MIGA2: variants seen among roughly 807,000 people sequenced by gnomAD.
MIGA2 encodes family with sequence similarity 73, member B.
A neutral mutation model predicts 69.9 loss-of-function variants in MIGA2; 36 were observed. The observed-to-expected ratio is 0.52, with a 90% CI of 0.39 to 0.68. The LOEUF (loss-of-function observed/expected upper bound fraction) is 0.68, where lower values mean the gene tolerates loss of function less well. Ranked by LOEUF, MIGA2 falls within the 30% of genes least tolerant of loss-of-function variation. The probability of loss-of-function intolerance (pLI) is 0.00; values close to 1 mark genes in which losing one functional copy is unlikely to be tolerated. For synonymous variants in MIGA2, 333 were observed against 349.2 expected (o/e 0.95, Z 0.52); for missense variants, 660 against 787.7 (o/e 0.84, Z 1.94).
intron 11 of MIGA2, among the ~76,000 whole-genome samples, chr9:129,066,919 C>A (rs1030798412): frequency 7.5e-6 from 1 of 133,276 alleles, no homozygotes; most frequent in Non-Finnish European, 1.6e-5. Flanking sequence ...TGAGATTGTG[C>A]CACTGCATTC....
chr9:129,037,592 C>T (rs954809142), intron 1 of MIGA2, among the ~76,000 whole-genome samples: 1 of 152,102 alleles, frequency 6.6e-6, no homozygotes, highest in African/African-American at 2.4e-5. Flanking sequence ...TGGAGTGAAG[C>T]AGGCTTGGGG....
rs137892200 is a variant in MIGA2 at position 129,068,089 on chromosome 9, C to G, written c.1270-109C>G. Reference sequence around the variant, plus strand: ...CAGAGCGGGAAAGACGTGTCCCCCCCACGTGTGCTCATGCCCTGGACCCCA... The same window carrying G: ...CAGAGCGGGAAAGACGTGTCCCCCCGACGTGTGCTCATGCCCTGGACCCCA... On this transcript the variant is annotated intron_variant, in intron 12 of 15. Transcript: ENST00000684074. This position sits in a 1 kb window ranked among gnomAD's most constrained non-coding sequence, Gnocchi z 4.1. 128 of 1,474,440 alleles carry G rather than the reference C, an allele frequency of 8.7e-5. No homozygotes were observed. Among genetic ancestry groups the G allele is most frequent in the African/African-American group, 9.7e-5 (7 of 72,222 alleles). The allele number at this position is 1,474,440 out of a possible 1,614,324, so 91.3% of individuals were successfully genotyped here.
In MIGA2 at chr9:129,068,358, C is replaced by T. The variant is rs749116101; in HGVS notation, c.1404+26C>T. ...GTGGGTCACTGCCCTGCTCTCAGAC[C>T]CACACTTGCTCACATCAGCCCGTGT... On this transcript the variant is annotated intron_variant, in intron 13 of 15. Coordinates refer to ENST00000684074, the MANE Select transcript of MIGA2 (RefSeq NM_001329990.2). This position sits in a 1 kb window ranked among gnomAD's most constrained non-coding sequence, Gnocchi z 4.1. 6.9e-6 allele frequency: 11 copies of T among 1,598,634 alleles called. No homozygotes were observed. The highest frequency in any genetic ancestry group is 9.3e-6 in the Non-Finnish European group (11 of 1,178,518).
intron 3 of MIGA2, chr9:129,047,106 G>A (rs1323958088): frequency 6.6e-6 from 1 of 151,932 alleles, no homozygotes; most frequent in Non-Finnish European, 1.5e-5. Context: ...TTGAGACAGA[G>A]TCTCACCCTG....
chr9:129,069,117 G>A lies in MIGA2; in HGVS notation c.1446G>A (p.Arg482=), dbSNP rs777371205. ...TACWSVLKAK[R]RLLMVPDGFI... Reference sequence around the variant, plus strand: ...GCTGGTCGGTCCTGAAAGCCAAGAGGAGGCTGCTGATGGTGAGTGACTGGC... The same window carrying A: ...GCTGGTCGGTCCTGAAAGCCAAGAGAAGGCTGCTGATGGTGAGTGACTGGC... Residue 482 remains arginine (R), a synonymous_variant, in exon 14 of 16, where the codon AGG becomes AGA. Transcript: ENST00000684074. This position sits in a 1 kb window ranked among gnomAD's most constrained non-coding sequence, Gnocchi z 4.9. 1.2e-6 allele frequency: 2 copies of A among 1,614,022 alleles called. No individual in the cohort carries two copies. Among genetic ancestry groups the A allele is most frequent in the Non-Finnish European group, 1.7e-6 (2 of 1,179,974 alleles).
rs188917749 is a variant in MIGA2 at position 129,066,689 on chromosome 9, G to A, written c.1171-1084G>A. Among the ~76,000 whole-genome samples the A allele has an allele frequency of 5.1e-3, 752 of 146,832 alleles. 17 individuals carry two copies. The highest frequency in any genetic ancestry group is 0.018 in the African/African-American group (706 of 38,470). ...AAAAAAAAAAGAAAGGCTGGGCGTA[G>A]TGGCTCATGCCTGTAATCCCAGCAC... On this transcript the variant is annotated intron_variant, in intron 11 of 15. Coordinates refer to ENST00000684074, the MANE Select transcript of MIGA2 (RefSeq NM_001329990.2).
chr9:129,064,506 CT>C lies in MIGA2; in HGVS notation c.1170+890del, dbSNP rs71383628. ...ACAGGCATGAGCCACCGTGCCTGGC[CT>C]TTTTTTTTTTTTTTCTTTAATGGGT... On this transcript the variant is annotated intron_variant, in intron 11 of 15. Coordinates refer to ENST00000684074, the MANE Select transcript of MIGA2 (RefSeq NM_001329990.2). Among the ~76,000 whole-genome samples the C allele has an allele frequency of 3.4e-3, 476 of 140,660 alleles. 1 individual carries two copies. The highest frequency in any genetic ancestry group is 7.6e-3 in the East Asian group (37 of 4,860). The allele number at this position is 140,660 out of a possible 152,430, so 92.3% of individuals were successfully genotyped here. A position where few individuals can be genotyped will look rare whatever the true frequency, so the allele number is the denominator to read the frequency against.
At chr9:129,050,657 C>T (rs1395788974) in intron 6 of MIGA2, among the ~76,000 whole-genome samples, 2 of 151,460 alleles carry the variant, frequency 1.3e-5, no homozygotes, top group South Asian at 2.1e-4. Context: ...CCGTAACCTC[C>T]GCCTCCTGGG....
chr9:129,057,504 G>A (rs762096034), intron 6 of MIGA2, among the ~76,000 whole-genome samples: 1 of 151,884 alleles, frequency 6.6e-6, no homozygotes, highest in Non-Finnish European at 1.5e-5. Context: ...TGTCAGCCAG[G>A]ATGGTCTCGA....
At chr9:129,063,456 C>T in intron 10 of MIGA2, 89 bp from the exon 11 acceptor site, 1 of 1,561,384 alleles carries the variant, frequency 6.4e-7, no homozygotes, top group East Asian at 2.2e-5. Context: ...AGGTGGGCCA[C>T]CTACCTGGCC....
In MIGA2 at chr9:129,040,649, G is replaced by A; in HGVS notation, c.55G>A (p.Val19Met). Reference sequence around the variant, plus strand: ...TATGATCCAGGCCCTGGCCATGACGGTGGCCGAGATCCCCGTGTTCCTGTA... The same window carrying A: ...TATGATCCAGGCCCTGGCCATGACGATGGCCGAGATCCCCGTGTTCCTGTA... Reference protein sequence around the residue: ...TSMIQALAMTVAEIPVFLYTT... With the variant: ...TSMIQALAMTMAEIPVFLYTT... The change falls in exon 2 of 16, where the codon GTG (valine) becomes ATG (methionine). Residue 19 changes from valine (V) to methionine (M), a missense_variant. By Grantham distance (21) the Val-to-Met change is conservative. This residue lies in a region of MIGA2 where 54 missense variants were observed against 84.0 expected (regional missense o/e 0.64). Transcript: ENST00000684074. The A allele has an allele frequency of 6.2e-7, 1 of 1,613,894 alleles. No homozygotes were observed. Among genetic ancestry groups the A allele is most frequent in the East Asian group, 2.2e-5 (1 of 44,872 alleles).
At chr9:129,038,508 G>C (rs1035720293) in intron 1 of MIGA2, among the ~76,000 whole-genome samples, 1 of 152,182 alleles carries the variant, frequency 6.6e-6, no homozygotes, top group African/African-American at 2.4e-5. Flanking sequence ...TTGGGAAGGG[G>C]CAATGGGGTA....
chr9:129,042,316 C>T lies in MIGA2; in HGVS notation c.109C>T (p.Gln37Ter). 6.2e-7 allele frequency: 1 copy of T among 1,612,320 alleles called. No homozygotes were observed. Among genetic ancestry groups the T allele is most frequent in the Non-Finnish European group, 8.5e-7 (1 of 1,179,938 alleles). ...CTCTTCCCTGCAGTCTGCATTCTCCCAGCTACGGTTGACGCCAGGCCTGCG... is the reference window on the plus strand; with the variant it reads ...CTCTTCCCTGCAGTCTGCATTCTCCTAGCTACGGTTGACGCCAGGCCTGCG... ...YTTFGQSAFS[Q>*]LRLTPGLRKV... The change falls in exon 3 of 16, where the codon CAG becomes TAG. Residue 37 changes from glutamine (Q) to a stop codon, truncating the protein, a stop_gained. Coordinates refer to ENST00000684074, the MANE Select transcript of MIGA2 (RefSeq NM_001329990.2). LOFTEE classifies it high-confidence loss of function.
chr9:129,054,055 A>G (rs1411305978), intron 6 of MIGA2, among the ~76,000 whole-genome samples: 1 of 152,092 alleles, frequency 6.6e-6, no homozygotes, highest in African/African-American at 2.4e-5. Context: ...AAGAAAAGAT[A>G]TAATTCACAT....
chr9:129,068,894 G>C lies in MIGA2; in HGVS notation c.1405-182G>C. On this transcript the variant is annotated intron_variant, in intron 13 of 15. Transcript: ENST00000684074. This position sits in a 1 kb window ranked among gnomAD's most constrained non-coding sequence, Gnocchi z 4.1. The stretch of plus-strand genomic sequence containing the variant: ...CAGTAAGATTAGAGTCAAGATTCAA[G>C]TTTAGGTATGTCTGAGTCCAAAATC... The C allele has an allele frequency of 1.4e-6, 1 of 690,596 alleles. No individual in the cohort carries two copies. Among genetic ancestry groups the C allele is most frequent in the East Asian group, 2.5e-5 (1 of 40,232 alleles). 42.8% of individuals were successfully genotyped at this position (690,596 alleles called of 1,614,324 possible).
At position 129,061,961 on chromosome 9, in the gene MIGA2, CGTT is replaced by C. The variant is rs1846088132; in HGVS notation, c.1010+616_1010+618del. ...AGGCCTCTTCACTATCTTATATTAACGTTATTATTAACTTTTTTGTATTATTTT... is the reference window on the plus strand; with the variant it reads ...AGGCCTCTTCACTATCTTATATTAACATTATTAACTTTTTTGTATTATTTT... On this transcript the variant is annotated intron_variant, in intron 9 of 15. Transcript: ENST00000684074. The surrounding 1 kb of genome is among the most constrained non-coding windows in gnomAD (Gnocchi z 5.0). 6.6e-6 allele frequency among the ~76,000 whole-genome samples: 1 copy of C among 151,110 alleles called. No homozygotes were observed. The highest frequency in any genetic ancestry group is 2.1e-4 in the South Asian group (1 of 4,774).
rs745445098 is a variant in MIGA2 at position 129,042,286 on chromosome 9, GT to G, written c.97-17del. On this transcript the variant is annotated splice_polypyrimidine_tract_variant and intron_variant, in intron 2 of 15. Coordinates refer to ENST00000684074, the MANE Select transcript of MIGA2 (RefSeq NM_001329990.2). ...TCCCCAGGGAGGTGTAACCGGCAGC[GT>G]CTCCTCTTCCCTGCAGTCTGCATTC... 5.0e-6 allele frequency: 8 copies of G among 1,609,662 alleles called. No homozygotes were observed. In the East Asian group the frequency reaches 1.8e-4, roughly 36 times the overall value.
Position 129,060,691 on chromosome 9 carries a change from C to T in MIGA2, c.894+41C>T, listed in dbSNP as rs1324039630. Reference sequence around the variant, plus strand: ...GACCAAGCCTGGGGTGGGGTGAAGGCTGGGCCTCCTCTGCAGGTCCATGGG... The same window carrying T: ...GACCAAGCCTGGGGTGGGGTGAAGGTTGGGCCTCCTCTGCAGGTCCATGGG... On this transcript the variant is annotated intron_variant, in intron 8 of 15. Transcript: ENST00000684074. The surrounding 1 kb of genome is among the most constrained non-coding windows in gnomAD (Gnocchi z 4.8). 1.3e-6 allele frequency: 2 copies of T among 1,500,676 alleles called. No individual in the cohort carries two copies. Among genetic ancestry groups the T allele is most frequent in the Middle Eastern group, 1.8e-4 (1 of 5,588 alleles). 93.0% of individuals were successfully genotyped at this position (1,500,676 alleles called of 1,614,324 possible).
chr9:129,049,944 C>T lies in MIGA2; in HGVS notation c.656C>T (p.Ala219Val). ...GACGGCCTCCGGAACCCAGAGACTG[C>T]ATCAGAGCCACTGTCTGAGGTAGGT... ...PRDGLRNPET[A>V]SEPLSEPESQ... Residue 219 changes from alanine (A) to valine (V), a missense_variant, in exon 6 of 16, where the codon GCA (alanine) becomes GTA (valine). By Grantham distance (64) the Ala-to-Val change is moderately conservative. This residue lies in a region of MIGA2 where 386 missense variants were observed against 402.0 expected (regional missense o/e 0.96). Transcript: ENST00000684074. 6.2e-7 allele frequency: 1 copy of T among 1,613,354 alleles called. No individual in the cohort carries two copies. The highest frequency in any genetic ancestry group is 8.5e-7 in the Non-Finnish European group (1 of 1,179,844).
Sources: allele counts gnomAD v4.1 joint callset (sites outside exome capture counted in the v4.1 genomes callset), GRCh38; gene constraint gnomAD v4.1.1; regional missense constraint gnomAD v4.1.1; non-coding constraint Gnocchi (gnomAD v3.1); transcripts MANE v1.5; gene names NCBI Gene and HGNC (gene_info 2026-07-23, HGNC 2026-07-21).